BLTP2: variants seen among roughly 807,000 people sequenced by gnomAD.
BLTP2 encodes the protein bridge-like lipid transfer protein family member 2.
chr17:28,635,538 C>T, the BLTP2 span: 1 of 1,614,012 alleles, frequency 6.2e-7, no homozygotes, highest in Non-Finnish European at 8.5e-7. Flanking sequence ...GTAGAGTGGC[C>T]AGGACATGCT....
At chr17:28,636,040 T>C in the BLTP2 span, 19 of 158,350 alleles carry the variant, frequency 1.2e-4, no homozygotes, top group Admixed American at 1.8e-4. Context: ...CATGAGTTGA[T>C]TGCATCAATT....
chr17:28,615,608 A>T, the BLTP2 span: 2 of 1,585,788 alleles, frequency 1.3e-6, no homozygotes, highest in African/African-American at 2.7e-5. Context: ...GCTCCTGAAA[A>T]GAGGATCTGC....
the BLTP2 span, chr17:28,615,646 T>C: frequency 1.9e-6 from 3 of 1,611,484 alleles, no homozygotes; most frequent in African/African-American, 1.3e-5. Flanking sequence ...CAAACAGCCA[T>C]GAGCCCTGGC....
the BLTP2 span, among the ~76,000 whole-genome samples, chr17:28,622,897 A>T: frequency 6.6e-6 from 1 of 152,136 alleles, no homozygotes; most frequent in Non-Finnish European, 1.5e-5. Context: ...CAACATGGTG[A>T]AACCCTGTCT....
At chr17:28,634,781 C>A in the BLTP2 span, 381 of 1,614,050 alleles carry the variant, frequency 2.4e-4, no homozygotes, top group Middle Eastern at 3.0e-3. Context: ...TCCAAAGAGG[C>A]ATAGAGCTCC....
chr17:28,638,486 G>A, the BLTP2 span: 16 of 1,595,494 alleles, frequency 1.0e-5, no homozygotes, highest in South Asian at 2.2e-5. Context: ...CTCCACTAAC[G>A]GACAGATTCT....
At chr17:28,618,881 A>C in the BLTP2 span, 1 of 1,614,218 alleles carries the variant, frequency 6.2e-7, no homozygotes, top group South Asian at 1.1e-5. Flanking sequence ...GAGCAAAGTA[A>C]AACTCAGTGC....
chr17:28,645,128 A>C, the BLTP2 span: 3 of 1,330,054 alleles, frequency 2.3e-6, no homozygotes, highest in East Asian at 6.0e-5. Flanking sequence ...TCCGCGCAGC[A>C]CCGCCGCGGG....
the BLTP2 span, among the ~76,000 whole-genome samples, chr17:28,622,980 C>G: frequency 2.6e-5 from 4 of 152,250 alleles, no homozygotes; most frequent in East Asian, 7.7e-4. Flanking sequence ...GAGGCTGAGG[C>G]AGGAGAATGG....
At chr17:28,620,123 T>A in the BLTP2 span, 1 of 1,036,340 alleles carries the variant, frequency 9.6e-7, no homozygotes, top group Non-Finnish European at 1.4e-6. Context: ...TCTAGAAAGC[T>A]AACCTTTATC....
chr17:28,638,147 T>A, the BLTP2 span: 3 of 1,599,198 alleles, frequency 1.9e-6, no homozygotes, highest in Non-Finnish European at 2.6e-6. Flanking sequence ...CACAGTTTTA[T>A]AATGCCCTAA....
At chr17:28,631,472 G>A in the BLTP2 span, 10 of 1,612,786 alleles carry the variant, frequency 6.2e-6, no homozygotes, top group Non-Finnish European at 8.5e-6. Context: ...AGTGTGTCAG[G>A]GAGTACCTCC....
chr17:28,623,380 A>C, the BLTP2 span, among the ~76,000 whole-genome samples: 1 of 152,184 alleles, frequency 6.6e-6, no homozygotes, highest in African/African-American at 2.4e-5. Flanking sequence ...TGAAATAACC[A>C]ATCAGTCATT....
At chr17:28,637,188 T>G in the BLTP2 span, 1 of 1,608,738 alleles carries the variant, frequency 6.2e-7, no homozygotes, top group Non-Finnish European at 8.5e-7. Context: ...CCAGAAACCA[T>G]GTCAGCCTTG....
the BLTP2 span, among the ~76,000 whole-genome samples, chr17:28,641,320 G>A: frequency 2.0e-5 from 3 of 152,182 alleles, no homozygotes; most frequent in Non-Finnish European, 4.4e-5. Flanking sequence ...TCAAACCTGT[G>A]TTGTTCAGTG....
chr17:28,619,613 C>T, the BLTP2 span: 2 of 1,611,686 alleles, frequency 1.2e-6, no homozygotes, highest in Non-Finnish European at 8.5e-7. Context: ...CTGCCTCTAG[C>T]TGGGGCACTG....
chr17:28,618,820 A>G, the BLTP2 span: 1 of 1,614,022 alleles, frequency 6.2e-7, no homozygotes, highest in Non-Finnish European at 8.5e-7. Context: ...TGCAGTTCTA[A>G]TTCAGCAATT....
chr17:28,628,147 T>C, the BLTP2 span: 6 of 867,054 alleles, frequency 6.9e-6, no homozygotes, highest in Admixed American at 1.0e-4. Flanking sequence ...GGAAAAATAA[T>C]AGTTTCACTT....
At chr17:28,617,489 G>A in the BLTP2 span, 2 of 556,172 alleles carry the variant, frequency 3.6e-6, no homozygotes, top group Non-Finnish European at 6.5e-6. Flanking sequence ...TGTCTCATGG[G>A]CACTATTGTC....
Sources: gnomAD v4.1 joint callset for allele counts (sites outside exome capture counted in the v4.1 genomes callset) on GRCh38, gnomAD v4.1.1 for gene constraint, MANE v1.5 for transcripts, NCBI Gene and HGNC (gene_info 2026-07-23, HGNC 2026-07-21) for gene names.